Variants in AKAP13 observed in about 807,000 individuals in gnomAD.
The protein encoded by AKAP13 is A-kinase anchor protein 13.
Under a neutral mutation model 264.5 loss-of-function variants are expected in AKAP13, and 80 were observed. The ratio of observed to expected loss-of-function variants is 0.30; its 90% CI spans 0.25 to 0.36. The LOEUF is 0.36. Among genes scored for constraint, AKAP13 ranks in the 10% least tolerant of loss-of-function variants. AKAP13 has a pLI of 1.00. For missense variants in AKAP13, 3,712 were observed against 3,435.2 expected, an observed-to-expected ratio of 1.08 and a Z score of -2.01; for synonymous variants, 1,380 against 1,250.2, an observed-to-expected ratio of 1.10 and a Z score of -2.19.
At chr15:85,692,651 G>T (rs72748160) in intron 16 of AKAP13, among the ~76,000 whole-genome samples, 7,957 of 152,114 alleles carry the variant, frequency 0.052, 334 homozygotes, top group Admixed American at 0.15. Flanking sequence ...TGAAAATTAG[G>T]GCAAAGTTAA....
chr15:85,449,612 T>A (rs2074014155), intron 1 of AKAP13, among the ~76,000 whole-genome samples: 1 of 152,204 alleles, frequency 6.6e-6, no homozygotes, highest in Admixed American at 6.5e-5. Flanking sequence ...ACCTAGTTTA[T>A]TGAGAGTTTT....
chr15:85,699,148 A>C (rs2085752447), intron 17 of AKAP13, among the ~76,000 whole-genome samples: 1 of 151,832 alleles, frequency 6.6e-6, no homozygotes, highest in Non-Finnish European at 1.5e-5. Context: ...AGTTTATATA[A>C]ATTTACAAAA....
At chr15:85,730,412 G>C (rs1448917526) in intron 29 of AKAP13, 101 bp from the exon 30 acceptor site, 4 of 1,277,086 alleles carry the variant, frequency 3.1e-6, no homozygotes, top group African/African-American at 1.5e-5. Context: ...GTCCTGTCTT[G>C]TCACTTTCCA....
In AKAP13 at chr15:85,724,283, C is replaced by T. The variant is rs959228727; in HGVS notation, c.6745+963C>T. 6.6e-6 allele frequency among the ~76,000 whole-genome samples: 1 copy of T among 152,182 alleles called. No individual in the cohort carries two copies. Among genetic ancestry groups the T allele is most frequent in the Admixed American group, 6.5e-5 (1 of 15,284 alleles). ...GGTTTCAACAATGAATAAAGCAGGACACCCTGCTTAGAAGTTGAAATCAAA... is the reference window on the plus strand; with the variant it reads ...GGTTTCAACAATGAATAAAGCAGGATACCCTGCTTAGAAGTTGAAATCAAA... On this transcript the variant is annotated intron_variant, in intron 26 of 36. Coordinates refer to ENST00000394518, the MANE Select transcript of AKAP13 (RefSeq NM_007200.5). This position sits in a 1 kb window ranked among gnomAD's most constrained non-coding sequence, Gnocchi z 4.2.
intron 11 of AKAP13, 68 bp downstream of exon 11, chr15:85,655,855 T>C (rs1596927684): frequency 1.3e-6 from 2 of 1,515,316 alleles, no homozygotes; most frequent in East Asian, 4.5e-5. Flanking sequence ...CTGATTTGTA[T>C]TATTGTTGGT....
At chr15:85,720,359 G>A (rs1459610916) in intron 23 of AKAP13, among the ~76,000 whole-genome samples, 1 of 151,912 alleles carries the variant, frequency 6.6e-6, no homozygotes, top group African/African-American at 2.4e-5. Flanking sequence ...ACCAGCTGAA[G>A]CACAGAAAGT....
chr15:85,521,329 T>C (rs549551847), intron 2 of AKAP13, 99 bp from the exon 3 acceptor site: 17 of 1,409,602 alleles, frequency 1.2e-5, no homozygotes, highest in Non-Finnish European at 1.7e-5. Flanking sequence ...ATGGTTTAGA[T>C]GATAAATTTG....
chr15:85,714,780 A>T (rs1449624189), intron 19 of AKAP13, among the ~76,000 whole-genome samples: 2 of 152,158 alleles, frequency 1.3e-5, no homozygotes, highest in African/African-American at 4.8e-5. Flanking sequence ...CAGTCTGGCC[A>T]ACGTAGTGAA....
intron 5 of AKAP13, among the ~76,000 whole-genome samples, chr15:85,571,391 C>G (rs1021904624): frequency 6.6e-6 from 1 of 151,938 alleles, no homozygotes; most frequent in African/African-American, 2.4e-5. Context: ...TTTAATTTAC[C>G]AATCAGCGCT....
At chr15:85,665,359 G>T (rs150511762) in intron 13 of AKAP13, among the ~76,000 whole-genome samples, 1 of 152,256 alleles carries the variant, frequency 6.6e-6, no homozygotes, top group East Asian at 1.9e-4. Flanking sequence ...ATAGTAAACT[G>T]AATCTTGAAA....
chr15:85,661,922 G>A (rs1366596200), intron 12 of AKAP13, among the ~76,000 whole-genome samples: 4 of 145,610 alleles, frequency 2.7e-5, no homozygotes, highest in African/African-American at 5.0e-5. Context: ...AAAAAAAACC[G>A]GATGACTCCA....
At chr15:85,598,167 G>C (rs928165515) in intron 8 of AKAP13, among the ~76,000 whole-genome samples, 3 of 152,068 alleles carry the variant, frequency 2.0e-5, no homozygotes, top group African/African-American at 7.2e-5. Flanking sequence ...GGGGCCTGAA[G>C]ACAATGGGTT....
chr15:85,543,430 C>T (rs773413243), intron 4 of AKAP13, among the ~76,000 whole-genome samples: 1 of 152,114 alleles, frequency 6.6e-6, no homozygotes, highest in African/African-American at 2.4e-5. Context: ...AGTAAAAGAA[C>T]GTGTGTATGG....
chr15:85,730,008 C>T (rs1597203379), intron 29 of AKAP13, among the ~76,000 whole-genome samples: 1 of 152,030 alleles, frequency 6.6e-6, no homozygotes, highest in Middle Eastern at 3.4e-3. Context: ...GAGACAGGAG[C>T]CCAGATAAGA....
intron 2 of AKAP13, among the ~76,000 whole-genome samples, chr15:85,491,492 T>C (rs2075721470): frequency 1.0e-5 from 1 of 97,854 alleles, no homozygotes; most frequent in Non-Finnish European, 2.3e-5. Context: ...TATATTTATA[T>C]ATATTTATTA....
At chr15:85,682,059 GTTT>G in intron 14 of AKAP13, 96 bp from the exon 15 acceptor site, 2 of 1,152,214 alleles carry the variant, frequency 1.7e-6, no homozygotes, top group Non-Finnish European at 2.6e-6. Context: ...TTCACACGCT[GTTT>G]TTGCTTTAGC....
At chr15:85,687,964 G>A (rs572437297) in intron 16 of AKAP13, among the ~76,000 whole-genome samples, 63 of 150,922 alleles carry the variant, frequency 4.2e-4, no homozygotes, top group African/African-American at 1.3e-3. Flanking sequence ...CACTTGAGCC[G>A]AGGAGTTCAA....
chr15:85,578,838 T>C (rs2151305446), intron 6 of AKAP13, 92 bp from the exon 7 acceptor site: 1 of 1,172,464 alleles, frequency 8.5e-7, no homozygotes, highest in Middle Eastern at 2.0e-4. Context: ...AGAATAGAAG[T>C]GAGTTCTGTC....
At chr15:85,702,679 A>T (rs1250454780) in intron 17 of AKAP13, 1 of 152,240 alleles carries the variant, frequency 6.6e-6, no homozygotes, top group Non-Finnish European at 1.5e-5. Flanking sequence ...AAGATCAGCC[A>T]TATAGTCCAT....
Sources: allele counts gnomAD v4.1 joint callset (sites outside exome capture counted in the v4.1 genomes callset), GRCh38; gene constraint gnomAD v4.1.1; non-coding constraint Gnocchi (gnomAD v3.1); transcripts MANE v1.5; gene names NCBI Gene and HGNC (gene_info 2026-07-23, HGNC 2026-07-21).